IL20RB: variants seen among roughly 807,000 people sequenced by gnomAD.
IL20RB encodes interleukin 20 receptor subunit beta, also known as interleukin-20 receptor subunit beta.
IL20RB carries 21 observed loss-of-function variants against 33.3 expected under a neutral mutation model. The ratio of observed to expected loss-of-function variants is 0.63; its 90% CI spans 0.45 to 0.91. The LOEUF (loss-of-function observed/expected upper bound fraction) is 0.91. Ranked by LOEUF, IL20RB falls within the 40% of genes least tolerant of loss-of-function variation. The pLI is 0.00. For synonymous variants in IL20RB, 147 were observed against 146.8 expected (o/e 1.00, Z -0.01); for missense variants, 345 against 384.8 (o/e 0.90, Z 0.86).
At position 136,980,546 on chromosome 3, in the gene IL20RB, G is replaced by A. The variant is rs757639632; in HGVS notation, c.169G>A (p.Val57Met). Reference sequence around the variant, plus strand: ...GAAGCATCTCTTGATGTGGAGCCCAGTGATCGCGCCTGGAGAAACAGTGTA... The same window carrying A: ...GAAGCATCTCTTGATGTGGAGCCCAATGATCGCGCCTGGAGAAACAGTGTA... ...NMKHLLMWSPVIAPGETVYYS... is the reference protein window; with the variant it reads ...NMKHLLMWSPMIAPGETVYYS... The change falls in exon 2 of 7, where the codon GTG (valine) becomes ATG (methionine). Residue 57 changes from valine (V) to methionine (M), a missense_variant. By Grantham distance (21) the Val-to-Met change is conservative. Transcript: ENST00000329582. 2 of 1,614,106 alleles carry A rather than the reference G, an allele frequency of 1.2e-6. No individual in the cohort carries two copies. Among genetic ancestry groups the A allele is most frequent in the African/African-American group, 2.7e-5 (2 of 74,936 alleles).
intron 3 of IL20RB, among the ~76,000 whole-genome samples, chr3:136,982,853 C>G (rs1577021634): frequency 6.6e-6 from 1 of 152,120 alleles, no homozygotes; most frequent in Non-Finnish European, 1.5e-5. Flanking sequence ...GGAGTAGTAC[C>G]TGGAAAAGGA....
At chr3:136,962,831 G>T in intron 1 of IL20RB, among the ~76,000 whole-genome samples, 1 of 122,656 alleles carries the variant, frequency 8.2e-6, no homozygotes. Flanking sequence ...AACTAGACAT[G>T]ACAGCTAAAT....
In IL20RB at chr3:136,958,120, A is replaced by T; in HGVS notation, c.7A>T (p.Thr3Ser). MQ[T>S]FTMVLEEIWT... ...GTCAAACTGAGTCTACCAAATGCAG[A>T]CTTTCACAATGGTTCTAGAAGAAAT... The change falls in exon 1 of 7, where the codon ACT becomes TCT. Residue 3 changes from threonine (T) to serine (S), a missense_variant. By Grantham distance (58) the Thr-to-Ser change is moderately conservative. Coordinates refer to ENST00000329582, the MANE Select transcript of IL20RB (RefSeq NM_144717.4). The T allele has an allele frequency of 6.3e-7, 1 of 1,599,614 alleles. No homozygotes were observed. Among genetic ancestry groups the T allele is most frequent in the Non-Finnish European group, 8.6e-7 (1 of 1,167,198 alleles).
chr3:136,984,125 C>A (rs1941847630), intron 3 of IL20RB, among the ~76,000 whole-genome samples: 1 of 152,212 alleles, frequency 6.6e-6, no homozygotes, highest in African/African-American at 2.4e-5. Context: ...AGGAATGAGC[C>A]ATCGCACAGG....
rs1444240422 is a variant in IL20RB, at chr3:137,010,760, T to A, written c.*537T>A. On this transcript the variant is annotated 3_prime_UTR_variant, in exon 7 of 7. Transcript: ENST00000329582. ...AGAATAATCCTTGAGAGAAAAGGAA[T>A]CATGGGAGCAATGGTGTTGAGTTCA... 1 of 152,394 alleles carries A rather than the reference T, an allele frequency of 6.6e-6. No homozygotes were observed. The highest frequency in any genetic ancestry group is 1.5e-5 in the Non-Finnish European group (1 of 68,240). The allele number at this position is 152,394 out of a possible 1,614,324, so 9.4% of individuals were successfully genotyped here. A position where few individuals can be genotyped will look rare whatever the true frequency, so the allele number is the denominator to read the frequency against.
At chr3:136,970,887 C>T (rs1253049314) in intron 1 of IL20RB, among the ~76,000 whole-genome samples, 1 of 151,854 alleles carries the variant, frequency 6.6e-6, no homozygotes, top group Admixed American at 6.6e-5. Flanking sequence ...CTCCTGACCT[C>T]GTGATCCGCC....
chr3:136,977,802 A>G (rs1288140695), intron 1 of IL20RB, among the ~76,000 whole-genome samples: 7 of 152,306 alleles, frequency 4.6e-5, no homozygotes, highest in Admixed American at 4.6e-4. Context: ...CTGGGTTTAC[A>G]GGCGTGAGCC....
chr3:136,963,428 G>C (rs1048599217), intron 1 of IL20RB, among the ~76,000 whole-genome samples: 2 of 152,178 alleles, frequency 1.3e-5, no homozygotes, highest in Non-Finnish European at 2.9e-5. Flanking sequence ...TGATCCACTT[G>C]TTCTGTATCC....
chr3:136,982,009 G>A (rs1356938737), intron 2 of IL20RB, 151 bp from the exon 3 acceptor site: 4 of 482,280 alleles, frequency 8.3e-6, no homozygotes, highest in African/African-American at 7.9e-5. Context: ...TGGATGGTTG[G>A]TAGGGAGGAG....
chr3:136,982,062 C>T (rs1228041323), intron 2 of IL20RB, 98 bp from the exon 3 acceptor site: 1 of 784,684 alleles, frequency 1.3e-6, no homozygotes, highest in Non-Finnish European at 2.0e-6. Flanking sequence ...ATTTTACTTA[C>T]CTGTACAAAG....
At position 137,011,043 on chromosome 3, in the gene IL20RB, C is replaced by T. The variant is rs108858; in HGVS notation, c.*820C>T. On this transcript the variant is annotated 3_prime_UTR_variant, in exon 7 of 7. Coordinates refer to ENST00000329582, the MANE Select transcript of IL20RB (RefSeq NM_144717.4). ...TTTTCTGTTGGTAAAGTACAGAATT[C>T]AGCAAATAAAAAGGGCCACCCTGGC... 0.6 allele frequency: 90,750 copies of T among 151,844 alleles called. 27,629 individuals carry two copies. Among genetic ancestry groups the T allele is most frequent in the East Asian group, 0.91 (4,677 of 5,166 alleles). The allele number at this position is 151,844 out of a possible 1,614,324, so 9.4% of individuals were successfully genotyped here.
chr3:137,001,821 C>T (rs1467669064), intron 6 of IL20RB, among the ~76,000 whole-genome samples: 1 of 152,098 alleles, frequency 6.6e-6, no homozygotes, highest in Non-Finnish European at 1.5e-5. Context: ...TACATGTGCA[C>T]AACCTGCAGG....
chr3:137,001,124 C>T (rs981494741), intron 6 of IL20RB, among the ~76,000 whole-genome samples: 8 of 152,108 alleles, frequency 5.3e-5, no homozygotes, highest in Admixed American at 4.6e-4. Flanking sequence ...TTGGAGAAAA[C>T]GAAATAGCTT....
intron 3 of IL20RB, 75 bp downstream of exon 3, chr3:136,982,425 AG>A (rs1477809782): frequency 3.6e-6 from 4 of 1,122,012 alleles, no homozygotes; most frequent in Non-Finnish European, 3.8e-6. Context: ...TAAACTTTCT[AG>A]ACTCTTTTTA....
At chr3:137,004,851 G>A (rs897147020) in intron 6 of IL20RB, among the ~76,000 whole-genome samples, 2 of 151,886 alleles carry the variant, frequency 1.3e-5, no homozygotes, top group African/African-American at 2.4e-5. Context: ...TCTTTTAATT[G>A]TGATGTTAGG....
chr3:136,976,728 G>T (rs1006222304), intron 1 of IL20RB, among the ~76,000 whole-genome samples: 11 of 152,200 alleles, frequency 7.2e-5, no homozygotes, highest in Admixed American at 6.5e-5. Flanking sequence ...CAGTCTTGGT[G>T]CTGCTGGCCA....
At chr3:136,974,193 A>C (rs542415024) in intron 1 of IL20RB, among the ~76,000 whole-genome samples, 5 of 152,044 alleles carry the variant, frequency 3.3e-5, no homozygotes, top group African/African-American at 1.2e-4. Context: ...GTACCATTTG[A>C]GTCCTTTCTC....
At chr3:136,983,721 G>A (rs1029037634) in intron 3 of IL20RB, among the ~76,000 whole-genome samples, 1 of 152,238 alleles carries the variant, frequency 6.6e-6, no homozygotes, top group Non-Finnish European at 1.5e-5. Flanking sequence ...CCCCGGCTTT[G>A]AGACTGAGAT....
chr3:136,981,679 T>C (rs1168016129), intron 2 of IL20RB, among the ~76,000 whole-genome samples: 1 of 152,148 alleles, frequency 6.6e-6, no homozygotes. Context: ...TTTGGAGAAA[T>C]GACCAATGTG....
Sources: gnomAD v4.1 joint callset for allele counts (sites outside exome capture counted in the v4.1 genomes callset) on GRCh38, gnomAD v4.1.1 for gene constraint, MANE v1.5 for transcripts, NCBI Gene and HGNC (gene_info 2026-07-23, HGNC 2026-07-21) for gene names.